Variants in SORBS2 observed in about 807,000 individuals in gnomAD.
SORBS2 encodes sorbin and SH3 domain containing 2.
SORBS2 carries 46 observed loss-of-function variants against 97.7 expected under a neutral mutation model. That is an observed-to-expected ratio of 0.47 (90% CI 0.37 to 0.60). The LOEUF is 0.60. Ranked by LOEUF, SORBS2 falls within the 20% of genes least tolerant of loss-of-function variation. The probability of loss-of-function intolerance (pLI) is 0.00; values close to 1 mark genes in which losing one functional copy is unlikely to be tolerated. For missense variants in SORBS2, 1,316 were observed against 1,282.3 expected, an observed-to-expected ratio of 1.03 and a Z score of -0.40; for synonymous variants, 476 against 473.4, an observed-to-expected ratio of 1.01 and a Z score of -0.07.
At chr4:185,821,948 G>A (rs144232207) in intron 1 of SORBS2, among the ~76,000 whole-genome samples, 31 of 152,234 alleles carry the variant, frequency 2.0e-4, no homozygotes, top group African/African-American at 7.0e-4. Flanking sequence ...ACAAAATGAA[G>A]GACCCATAAA....
chr4:185,831,551 G>T (rs2099205147), intron 1 of SORBS2, among the ~76,000 whole-genome samples: 2 of 152,194 alleles, frequency 1.3e-5, no homozygotes, highest in South Asian at 4.1e-4. Flanking sequence ...GCCCTGAGGG[G>T]TTAAATCACC....
intron 1 of SORBS2, among the ~76,000 whole-genome samples, chr4:185,883,386 G>C (rs1468570887): frequency 6.6e-6 from 1 of 152,124 alleles, no homozygotes; most frequent in Non-Finnish European, 1.5e-5. Flanking sequence ...TATCAATGCC[G>C]GTGGGGATGA....
intron 1 of SORBS2, among the ~76,000 whole-genome samples, chr4:185,949,531 A>T: frequency 6.6e-6 from 1 of 151,902 alleles, no homozygotes. Context: ...TTGCAACCAC[A>T]CTTTGGAAGA....
intron 2 of SORBS2, among the ~76,000 whole-genome samples, chr4:185,680,181 T>C (rs1317092987): frequency 6.6e-6 from 1 of 152,180 alleles, no homozygotes; most frequent in Non-Finnish European, 1.5e-5. Context: ...TTGATTTTTA[T>C]TTTATTTTTT....
intron 1 of SORBS2, among the ~76,000 whole-genome samples, chr4:185,955,529 C>G (rs2099279130): frequency 6.6e-6 from 1 of 152,160 alleles, no homozygotes; most frequent in South Asian, 2.1e-4. Context: ...TCACCTAATG[C>G]AATATGTTTC....
chr4:185,706,205 T>C (rs1455810292), intron 2 of SORBS2, among the ~76,000 whole-genome samples: 1 of 152,208 alleles, frequency 6.6e-6, no homozygotes, highest in Non-Finnish European at 1.5e-5. Context: ...ATTTTTACTA[T>C]TGAACCCTAA....
intron 4 of SORBS2, among the ~76,000 whole-genome samples, chr4:185,673,904 T>C (rs1031137909): frequency 3.9e-5 from 6 of 152,206 alleles, no homozygotes; most frequent in Admixed American, 2.0e-4. Flanking sequence ...TTTCCTCACA[T>C]GGCTTTTAGG....
intron 1 of SORBS2, among the ~76,000 whole-genome samples, chr4:185,855,897 G>A (rs1267161770): frequency 6.6e-6 from 1 of 152,144 alleles, no homozygotes; most frequent in African/African-American, 2.4e-5. Context: ...AGATGACAAG[G>A]CACTGCCTTG....
At chr4:185,638,968 C>A (rs2097079011) in intron 4 of SORBS2, 1 of 1,521,410 alleles carries the variant, frequency 6.6e-7, no homozygotes. Context: ...TTCTCCGAGT[C>A]GGGAGCTAGA....
At chr4:185,944,053 G>A (rs1431428456) in intron 1 of SORBS2, among the ~76,000 whole-genome samples, 1 of 152,178 alleles carries the variant, frequency 6.6e-6, no homozygotes, top group Non-Finnish European at 1.5e-5. Flanking sequence ...ACTTAGCAAA[G>A]CTATGTCCTA....
intron 1 of SORBS2, among the ~76,000 whole-genome samples, chr4:185,806,513 A>G (rs1189804059): frequency 8.0e-5 from 10 of 124,248 alleles, no homozygotes; most frequent in African/African-American, 1.3e-4. Flanking sequence ...GCTGGAGTGC[A>G]GTGGCGGGAT....
chr4:185,877,832 T>C (rs1188995486), intron 1 of SORBS2, among the ~76,000 whole-genome samples: 4 of 134,142 alleles, frequency 3.0e-5, no homozygotes, highest in East Asian at 2.2e-4. Flanking sequence ...ATAGCATCAC[T>C]GCACTCCAGC....
chr4:185,863,568 A>C (rs553436534), intron 1 of SORBS2, among the ~76,000 whole-genome samples: 3 of 152,300 alleles, frequency 2.0e-5, no homozygotes, highest in South Asian at 2.1e-4. Context: ...GATTATTTTC[A>C]TTATTCAGTT....
In SORBS2 at chr4:185,623,684, G is replaced by A. The variant is rs1581194134; in HGVS notation, c.1445C>T (p.Pro482Leu). 2.5e-6 allele frequency: 4 copies of A among 1,614,042 alleles called. No homozygotes were observed. The highest frequency in any genetic ancestry group is 3.4e-6 in the Non-Finnish European group (4 of 1,180,022). ...ATCGCTGGTGACTTCAATGTGAATG[G>A]GCACCAGGGCGTTAGACTGGCAGCC... Residue 482 changes from proline (P) to leucine (L), a missense_variant, in exon 7 of 15, where the codon CCC becomes CTC. By Grantham distance (98) the Pro-to-Leu change is moderately conservative. Transcript: ENST00000418609. The surrounding 1 kb of genome is among the most constrained non-coding windows in gnomAD (Gnocchi z 6.4).
intron 1 of SORBS2, among the ~76,000 whole-genome samples, chr4:185,887,917 A>G (rs1009074709): frequency 6.7e-6 from 1 of 149,482 alleles, no homozygotes; most frequent in African/African-American, 2.5e-5. Context: ...TTTTTGTTTG[A>G]CTTTTTACTA....
chr4:185,884,829 T>C (rs952475432), intron 1 of SORBS2, among the ~76,000 whole-genome samples: 3 of 152,244 alleles, frequency 2.0e-5, no homozygotes, highest in African/African-American at 7.2e-5. Flanking sequence ...TCGTATTGTA[T>C]TGGCATACTC....
chr4:185,774,036 G>C (rs1323629800), intron 2 of SORBS2: 1 of 151,368 alleles, frequency 6.6e-6, no homozygotes, highest in Non-Finnish European at 1.5e-5. Context: ...TCCTTATGTG[G>C]TTAAAATGCA....
chr4:185,663,250 G>GA (rs1429772693), intron 4 of SORBS2, among the ~76,000 whole-genome samples: 1 of 152,174 alleles, frequency 6.6e-6, no homozygotes, highest in Non-Finnish European at 1.5e-5. Context: ...CATAATTTGT[G>GA]AAACTTTTCT....
intron 4 of SORBS2, among the ~76,000 whole-genome samples, chr4:185,632,965 T>G (rs1183475142): frequency 1.3e-5 from 2 of 152,306 alleles, no homozygotes; most frequent in East Asian, 1.9e-4. Context: ...TTGTAAGAAG[T>G]GTACTCATCC....
Sources: allele counts gnomAD v4.1 joint callset (sites outside exome capture counted in the v4.1 genomes callset), GRCh38; gene constraint gnomAD v4.1.1; non-coding constraint Gnocchi (gnomAD v3.1); transcripts MANE v1.5; gene names NCBI Gene and HGNC (gene_info 2026-07-23, HGNC 2026-07-21).